The following AKAP13 variants were observed in gnomAD, a reference collection of about 807,000 sequenced individuals.
AKAP13 encodes A-kinase anchor protein 13.
AKAP13 carries 80 observed loss-of-function variants against 264.5 expected under a neutral mutation model. That is an observed-to-expected ratio of 0.30 (90% CI 0.25 to 0.36). The LOEUF is 0.36. Among genes scored for constraint, AKAP13 ranks in the 10% least tolerant of loss-of-function variants. The pLI is 1.00. For missense variants in AKAP13, 3,712 were observed against 3,435.2 expected (o/e 1.08, Z -2.01); for synonymous variants, 1,380 against 1,250.2 (o/e 1.10, Z -2.19).
chr15:85,427,017 G>A (rs867100545), intron 1 of AKAP13, among the ~76,000 whole-genome samples: 31 of 147,530 alleles, frequency 2.1e-4, no homozygotes, highest in African/African-American at 6.8e-4. Flanking sequence ...GTGCAGTGGC[G>A]CCATCTCGGC....
chr15:85,465,004 G>T (rs948134497), intron 1 of AKAP13, among the ~76,000 whole-genome samples: 1 of 151,966 alleles, frequency 6.6e-6, no homozygotes, highest in African/African-American at 2.4e-5. Context: ...GCAGTGGCAC[G>T]ATCTCGGCTC....
chr15:85,393,567 G>A (rs1217823215), intron 1 of AKAP13, among the ~76,000 whole-genome samples: 2 of 152,198 alleles, frequency 1.3e-5, no homozygotes, highest in African/African-American at 4.8e-5. Flanking sequence ...TTTTGAAAAA[G>A]TAAAGTTACT....
At chr15:85,483,171 G>C (rs2075400783) in intron 1 of AKAP13, among the ~76,000 whole-genome samples, 1 of 152,206 alleles carries the variant, frequency 6.6e-6, no homozygotes, top group Non-Finnish European at 1.5e-5. Flanking sequence ...TTTACACATA[G>C]TCATCCGAAG....
chr15:85,568,068 A>G (rs975402158), intron 5 of AKAP13, among the ~76,000 whole-genome samples: 4 of 151,906 alleles, frequency 2.6e-5, no homozygotes, highest in Admixed American at 2.6e-4. Context: ...AGATTGCTTG[A>G]GGCAGGCAGA....
chr15:85,589,100 C>T (rs13379849), intron 8 of AKAP13, among the ~76,000 whole-genome samples: 1 of 152,156 alleles, frequency 6.6e-6, no homozygotes, highest in South Asian at 2.1e-4. Flanking sequence ...CCGTGGTGCT[C>T]TGACAAACTT....
At position 85,578,992 on chromosome 15, in the gene AKAP13, C is replaced by T. The variant is rs2151305711; in HGVS notation, c.924C>T (p.Ser308=). 5 of 1,614,058 alleles carry T rather than the reference C, an allele frequency of 3.1e-6. No homozygotes were observed. Among genetic ancestry groups the T allele is most frequent in the Middle Eastern group, 1.6e-4 (1 of 6,062 alleles). Residue 308 remains serine (S), a synonymous_variant, in exon 7 of 37, where the codon TCC becomes TCT. Coordinates refer to ENST00000394518, the MANE Select transcript of AKAP13 (RefSeq NM_007200.5). ...MPLMMTAQDP[S]SAPETDGQFL... ...TAATGATGACAGCACAGGATCCTTC[C>T]AGTGCCCCAGAGACAGATGGCCAGT...
At chr15:85,705,440 T>A (rs2086175358) in intron 17 of AKAP13, among the ~76,000 whole-genome samples, 1 of 152,096 alleles carries the variant, frequency 6.6e-6, no homozygotes, top group Non-Finnish European at 1.5e-5. Context: ...ATTATAGATT[T>A]TCAATAAAAC....
intron 1 of AKAP13, among the ~76,000 whole-genome samples, chr15:85,470,185 A>G (rs1336231348): frequency 1.3e-5 from 2 of 152,120 alleles, no homozygotes; most frequent in Non-Finnish European, 2.9e-5. Context: ...GCTACTCGGG[A>G]GGCTGAGGCA....
intron 3 of AKAP13, among the ~76,000 whole-genome samples, chr15:85,525,887 T>C (rs8026938): frequency 6.6e-6 from 1 of 152,006 alleles, no homozygotes; most frequent in Non-Finnish European, 1.5e-5. Context: ...AGTGATTTCA[T>C]AGTGGAAGAT....
intron 3 of AKAP13, among the ~76,000 whole-genome samples, chr15:85,525,278 T>C (rs1352357728): frequency 6.6e-6 from 1 of 152,118 alleles, no homozygotes; most frequent in Non-Finnish European, 1.5e-5. Flanking sequence ...CAGGATGGTC[T>C]CGATCTCCTG....
chr15:85,730,421 C>T (rs2087919889), intron 29 of AKAP13, 92 bp from the exon 30 acceptor site: 2 of 1,377,298 alleles, frequency 1.5e-6, no homozygotes, highest in South Asian at 1.3e-5. Flanking sequence ...TGTCACTTTC[C>T]ATAAATTACC....
At chr15:85,519,477 G>T (rs772751513) in intron 2 of AKAP13, among the ~76,000 whole-genome samples, 1 of 152,112 alleles carries the variant, frequency 6.6e-6, no homozygotes, top group Non-Finnish European at 1.5e-5. Context: ...AGGCTGTGAG[G>T]ATATTTCAGT....
At chr15:85,597,424 G>T (rs1279575928) in intron 8 of AKAP13, among the ~76,000 whole-genome samples, 1 of 152,162 alleles carries the variant, frequency 6.6e-6, no homozygotes, top group Non-Finnish European at 1.5e-5. Flanking sequence ...GTTTCTGCTG[G>T]AGATTCTTAA....
At chr15:85,619,880 CTCAG>C (rs1413358903) in intron 8 of AKAP13, 1 of 1,405,882 alleles carries the variant, frequency 7.1e-7, no homozygotes, top group Non-Finnish European at 9.2e-7. Context: ...TCAGCAAGTT[CTCAG>C]TCAGTTCAAG....
chr15:85,579,422 A>T lies in AKAP13; in HGVS notation c.1354A>T (p.Met452Leu), dbSNP rs1389898186. 1 of 1,614,188 alleles carries T rather than the reference A, an allele frequency of 6.2e-7. No individual in the cohort carries two copies. Among genetic ancestry groups the T allele is most frequent in the South Asian group, 1.1e-5 (1 of 91,086 alleles). Residue 452 changes from methionine (M) to leucine (L), a missense_variant, in exon 7 of 37, where the codon ATG becomes TTG. This residue lies in a region of AKAP13 where 2,759 missense variants were observed against 2,411.7 expected (regional missense o/e 1.14). Coordinates refer to ENST00000394518, the MANE Select transcript of AKAP13 (RefSeq NM_007200.5). ...TGCTGTGCTTCAGAGAGACTTGGTC[A>T]TGGAGCCAGGCACAGCCCAGTATTC... is the stretch of plus-strand genomic sequence containing the variant. ...GDAVLQRDLVMEPGTAQYSSG... is the reference protein window; with the variant it reads ...GDAVLQRDLVLEPGTAQYSSG...
intron 1 of AKAP13, among the ~76,000 whole-genome samples, chr15:85,429,901 C>T (rs1027948286): frequency 2.6e-5 from 4 of 152,186 alleles, no homozygotes; most frequent in African/African-American, 9.7e-5. Context: ...GCATTTTCCC[C>T]TGCACTTTAC....
At chr15:85,696,700 TAAATA>T (rs2085583044) in intron 17 of AKAP13, among the ~76,000 whole-genome samples, 1 of 152,184 alleles carries the variant, frequency 6.6e-6, no homozygotes, top group African/African-American at 2.4e-5. Context: ...TATAAAATGC[TAAATA>T]AAATCTATTT....
At chr15:85,528,429 A>C (rs1472222090) in intron 3 of AKAP13, among the ~76,000 whole-genome samples, 2 of 152,144 alleles carry the variant, frequency 1.3e-5, no homozygotes, top group Non-Finnish European at 2.9e-5. Context: ...GTTTTCCTTG[A>C]GTTTCCTAAA....
intron 1 of AKAP13, among the ~76,000 whole-genome samples, chr15:85,420,151 C>G (rs563376328): frequency 6.6e-6 from 1 of 151,748 alleles, no homozygotes; most frequent in African/African-American, 2.4e-5. Context: ...CCGCTTTAGC[C>G]GGGATGGTCT....
Sources: allele counts gnomAD v4.1 joint callset (sites outside exome capture counted in the v4.1 genomes callset), GRCh38; gene constraint gnomAD v4.1.1; regional missense constraint gnomAD v4.1.1; transcripts MANE v1.5; gene names NCBI Gene and HGNC (gene_info 2026-07-23, HGNC 2026-07-21).